The following ZNF148 variants were observed in gnomAD, a reference collection of about 807,000 sequenced individuals.
ZNF148 encodes the protein Beta-Enolase Repressor Factor-1.
A neutral mutation model predicts 67.7 loss-of-function variants in ZNF148; 7 were observed. That is an observed-to-expected ratio of 0.10 (90% CI 0.06 to 0.19). The LOEUF is 0.19. ZNF148 is among the 10% of genes least tolerant of loss of function. ZNF148 has a pLI of 1.00. For synonymous variants in ZNF148, 333 were observed against 330.7 expected, an observed-to-expected ratio of 1.01 and a Z score of -0.08; for missense variants, 583 against 947.1, an observed-to-expected ratio of 0.62 and a Z score of 5.05.
chr3:125,312,992 A>C (rs896888866), intron 4 of ZNF148, among the ~76,000 whole-genome samples: 3 of 152,208 alleles, frequency 2.0e-5, no homozygotes, highest in African/African-American at 7.2e-5. Context: ...AGTTACGTTG[A>C]AGATTCAAAT....
chr3:125,328,348 T>C (rs1441477102), intron 2 of ZNF148, among the ~76,000 whole-genome samples: 1 of 151,972 alleles, frequency 6.6e-6, no homozygotes, highest in Admixed American at 6.6e-5. Flanking sequence ...TTGGGCAAAA[T>C]AATAAAATCA....
chr3:125,248,596 T>C (rs1936703827), intron 7 of ZNF148, among the ~76,000 whole-genome samples: 1 of 152,262 alleles, frequency 6.6e-6, no homozygotes, highest in Non-Finnish European at 1.5e-5. Flanking sequence ...ATCAGGGTCC[T>C]GTGGCTTTTT....
chr3:125,328,549 A>G (rs1941129297), intron 2 of ZNF148, among the ~76,000 whole-genome samples: 1 of 152,130 alleles, frequency 6.6e-6, no homozygotes, highest in South Asian at 2.1e-4. Context: ...TTAAATATAC[A>G]CTATGTATGT....
chr3:125,314,843 A>T (rs1047813265), intron 3 of ZNF148: 3 of 152,048 alleles, frequency 2.0e-5, no homozygotes, highest in African/African-American at 7.3e-5. Flanking sequence ...GTATCGCTTG[A>T]GCCCAGGGGT....
At chr3:125,368,001 T>C (rs1424143708) in intron 1 of ZNF148, among the ~76,000 whole-genome samples, 4 of 152,238 alleles carry the variant, frequency 2.6e-5, no homozygotes, top group Admixed American at 2.6e-4. Context: ...AGGTTCACTT[T>C]AGGGCTGCAA....
chr3:125,349,402 T>C (rs1942059253), intron 1 of ZNF148, among the ~76,000 whole-genome samples: 1 of 152,182 alleles, frequency 6.6e-6, no homozygotes, highest in Admixed American at 6.5e-5. Context: ...AATAGCCTGC[T>C]TTTCAAATGG....
chr3:125,294,723 T>C (rs959910898), intron 4 of ZNF148, among the ~76,000 whole-genome samples: 4 of 152,122 alleles, frequency 2.6e-5, no homozygotes, highest in African/African-American at 7.2e-5. Context: ...AGTAACACTA[T>C]GTTAAGAATT....
chr3:125,267,997 T>C (rs1180544247), intron 7 of ZNF148, among the ~76,000 whole-genome samples: 2 of 151,966 alleles, frequency 1.3e-5, no homozygotes, highest in African/African-American at 4.8e-5. Flanking sequence ...ACCCTAGGAA[T>C]ACATCTAACC....
intron 4 of ZNF148, among the ~76,000 whole-genome samples, chr3:125,289,207 A>T (rs1938871905): frequency 6.6e-6 from 1 of 152,246 alleles, no homozygotes; most frequent in Admixed American, 6.5e-5. Context: ...TACATTTTCA[A>T]GAAACACACT....
At chr3:125,322,171 A>C (rs1253972673) in intron 3 of ZNF148, among the ~76,000 whole-genome samples, 1 of 151,588 alleles carries the variant, frequency 6.6e-6, no homozygotes, top group Non-Finnish European at 1.5e-5. Context: ...CCGGGACTAC[A>C]GGGGCCCACC....
chr3:125,318,232 T>A (rs1940611746), intron 3 of ZNF148, among the ~76,000 whole-genome samples: 1 of 152,160 alleles, frequency 6.6e-6, no homozygotes, highest in Admixed American at 6.5e-5. Context: ...GCTCAAAAGC[T>A]AACACATGCC....
chr3:125,233,070 A>C lies in ZNF148; in HGVS notation c.1656T>G (p.Ala552=), dbSNP rs1935928436. ...TGAAGGATATCTCATGCTGTCCATT[A>C]GCTTTGTGGGAATAATGATCCAACA... ...QTLLDHYSHK[A]NGQHEISFSV... is the part of the protein sequence containing the mutation. Residue 552 remains alanine (A), a synonymous_variant, in exon 9 of 9, where the codon GCT becomes GCG. Coordinates refer to ENST00000360647, the MANE Select transcript of ZNF148 (RefSeq NM_021964.3). The surrounding 1 kb of genome is among the most constrained non-coding windows in gnomAD (Gnocchi z 5.1). 6.2e-7 allele frequency: 1 copy of C among 1,613,540 alleles called. No individual in the cohort carries two copies. The highest frequency in any genetic ancestry group is 8.5e-7 in the Non-Finnish European group (1 of 1,179,840).
chr3:125,248,991 T>C (rs759834286), intron 7 of ZNF148, among the ~76,000 whole-genome samples: 4 of 152,154 alleles, frequency 2.6e-5, no homozygotes, highest in Non-Finnish European at 5.9e-5. Context: ...CTTTAAAGCT[T>C]AAATCTCTAT....
At chr3:125,317,196 T>C (rs1207098714) in intron 3 of ZNF148, among the ~76,000 whole-genome samples, 2 of 152,212 alleles carry the variant, frequency 1.3e-5, no homozygotes, top group Non-Finnish European at 2.9e-5. Flanking sequence ...GCCTAGAAAC[T>C]GTTTTTGAAA....
At chr3:125,285,441 C>A (rs755889297) in intron 5 of ZNF148, among the ~76,000 whole-genome samples, 8 of 152,088 alleles carry the variant, frequency 5.3e-5, no homozygotes, top group Non-Finnish European at 1.0e-4. Context: ...ACACAAAAAA[C>A]CCATTCACCT....
intron 4 of ZNF148, among the ~76,000 whole-genome samples, chr3:125,309,954 C>T (rs1215478422): frequency 1.3e-5 from 2 of 152,116 alleles, no homozygotes; most frequent in East Asian, 1.9e-4. Flanking sequence ...AATCATATGG[C>T]GTCTGCTCTA....
intron 7 of ZNF148, among the ~76,000 whole-genome samples, chr3:125,257,652 T>G (rs982869579): frequency 2.0e-5 from 3 of 149,514 alleles, no homozygotes; most frequent in Admixed American, 6.6e-5. Flanking sequence ...TTGTGGCAAA[T>G]CCACAACTCT....
At chr3:125,315,942 T>C (rs1023661973) in intron 3 of ZNF148, among the ~76,000 whole-genome samples, 2 of 152,174 alleles carry the variant, frequency 1.3e-5, no homozygotes, top group Admixed American at 6.5e-5. Flanking sequence ...TGCTATCAAA[T>C]AGTAGGTCTT....
chr3:125,231,436 G>GTA lies in ZNF148; in HGVS notation c.*904_*905insTA, dbSNP rs1364684725. ...TTCTAAGTGCTCTATGTTAACTGAAGTGTATATGTAAAGTAAAATACAATT... is the reference window on the plus strand; with the variant it reads ...TTCTAAGTGCTCTATGTTAACTGAAGTATGTATATGTAAAGTAAAATACAATT... On this transcript the variant is annotated 3_prime_UTR_variant, in exon 9 of 9. Coordinates refer to ENST00000360647, the MANE Select transcript of ZNF148 (RefSeq NM_021964.3). The GTA allele has an allele frequency of 6.6e-6, 1 of 152,460 alleles. No homozygotes were observed. Among genetic ancestry groups the GTA allele is most frequent in the African/African-American group, 2.4e-5 (1 of 41,422 alleles). 9.4% of individuals were successfully genotyped at this position (152,460 alleles called of 1,614,324 possible).
Sources: allele counts gnomAD v4.1 joint callset (sites outside exome capture counted in the v4.1 genomes callset), GRCh38; gene constraint gnomAD v4.1.1; non-coding constraint Gnocchi (gnomAD v3.1); transcripts MANE v1.5; gene names NCBI Gene and HGNC (gene_info 2026-07-23, HGNC 2026-07-21).